Variants in PKIB observed in about 807,000 individuals in gnomAD.
PKIB encodes cAMP-dependent protein kinase inhibitor beta.
PKIB carries 2 observed loss-of-function variants against 4.5 expected under a neutral mutation model. The ratio of observed to expected loss-of-function variants is 0.44; its 90% CI spans 0.18 to 1.39. The LOEUF is 1.39. Among genes scored for constraint, PKIB ranks in the 40% most tolerant of loss-of-function variants. The probability of loss-of-function intolerance (pLI) is 0.27; values close to 1 mark genes in which losing one functional copy is unlikely to be tolerated. For synonymous variants in PKIB, 38 were observed against 36.0 expected (o/e 1.06, Z -0.20); for missense variants, 94 against 92.6 (o/e 1.02, Z -0.06).
intron 2 of PKIB, among the ~76,000 whole-genome samples, chr6:122,485,767 G>T (rs1303419029): frequency 6.6e-6 from 1 of 152,180 alleles, no homozygotes; most frequent in Non-Finnish European, 1.5e-5. Context: ...CCTGAGTATT[G>T]AATGTTGCAT....
chr6:122,562,691 A>G (rs975840635), intron 2 of PKIB, among the ~76,000 whole-genome samples: 1 of 152,162 alleles, frequency 6.6e-6, no homozygotes, highest in Non-Finnish European at 1.5e-5. Context: ...GATTGGGTTA[A>G]TTAGAAGGCT....
chr6:122,569,606 G>A (rs1280620895), intron 2 of PKIB, among the ~76,000 whole-genome samples: 1 of 152,176 alleles, frequency 6.6e-6, no homozygotes, highest in Non-Finnish European at 1.5e-5. Context: ...GTCAGAAATG[G>A]TGCTGGTATC....
At chr6:122,594,281 C>T (rs1317779444) in intron 3 of PKIB, among the ~76,000 whole-genome samples, 1 of 151,270 alleles carries the variant, frequency 6.6e-6, no homozygotes, top group Non-Finnish European at 1.5e-5. Context: ...GATCTCTGCT[C>T]ACTGCAACCT....
chr6:122,702,931 T>A (rs1027734184), intron 3 of PKIB, among the ~76,000 whole-genome samples: 10 of 152,316 alleles, frequency 6.6e-5, no homozygotes, highest in African/African-American at 2.4e-4. Flanking sequence ...ACATGAAGCA[T>A]GATGTCGTGT....
intron 1 of PKIB, among the ~76,000 whole-genome samples, chr6:122,614,604 G>A (rs994742355): frequency 1.3e-5 from 2 of 152,134 alleles, no homozygotes; most frequent in Non-Finnish European, 2.9e-5. Flanking sequence ...AGTCCAGTGT[G>A]ATAGCTTCAG....
chr6:122,560,222 G>A (rs1010607665), intron 2 of PKIB, among the ~76,000 whole-genome samples: 3 of 151,854 alleles, frequency 2.0e-5, no homozygotes, highest in African/African-American at 4.8e-5. Flanking sequence ...TCCCTTGTAT[G>A]CTGATTTTGC....
At chr6:122,678,257 A>G (rs1052606006) in intron 3 of PKIB, among the ~76,000 whole-genome samples, 1 of 152,164 alleles carries the variant, frequency 6.6e-6, no homozygotes, top group Non-Finnish European at 1.5e-5. Context: ...GTCCAGCTCT[A>G]TGAAAGTGAG....
chr6:122,648,448 G>C (rs758995354), intron 2 of PKIB, among the ~76,000 whole-genome samples: 1 of 152,136 alleles, frequency 6.6e-6, no homozygotes, highest in Non-Finnish European at 1.5e-5. Flanking sequence ...GCAAAATACT[G>C]CCACCTACTA....
intron 2 of PKIB, among the ~76,000 whole-genome samples, chr6:122,572,956 A>G (rs954845268): frequency 4.6e-5 from 7 of 152,208 alleles, no homozygotes; most frequent in African/African-American, 1.7e-4. Context: ...ACCAGTAACA[A>G]GCAGCAAGAT....
At chr6:122,599,017 A>G (rs1376728806) in intron 3 of PKIB, among the ~76,000 whole-genome samples, 4 of 152,072 alleles carry the variant, frequency 2.6e-5, no homozygotes, top group Non-Finnish European at 5.9e-5. Context: ...GCACCTCCTC[A>G]TGGGTCACAT....
chr6:122,540,431 A>G (rs1777557514), intron 2 of PKIB, among the ~76,000 whole-genome samples: 1 of 151,838 alleles, frequency 6.6e-6, no homozygotes, highest in Non-Finnish European at 1.5e-5. Flanking sequence ...CCTTCATTTC[A>G]TTAGGTACCC....
rs1367797671 is a variant in PKIB at position 122,530,810 on chromosome 6, G to A, written c.-248+52871G>A. ...GTCAACTCTCCTGTTTTTGGCAAAA[G>A]CCCCAATATGGGAGAGGAGTTCTTT... On this transcript the variant is annotated intron_variant, in intron 2 of 6. Transcript: ENST00000392491. Among the ~76,000 whole-genome samples, 5 of 152,228 alleles carry A rather than the reference G, an allele frequency of 3.3e-5. No individual in the cohort carries two copies. In the East Asian group the frequency reaches 7.7e-4, roughly 23 times the overall value.
chr6:122,684,031 A>G (rs1225832049), intron 3 of PKIB, among the ~76,000 whole-genome samples: 1 of 152,216 alleles, frequency 6.6e-6, no homozygotes, highest in Admixed American at 6.5e-5. Context: ...AAAGAAGACA[A>G]TTCTATTAAG....
intron 2 of PKIB, among the ~76,000 whole-genome samples, chr6:122,571,731 G>A (rs1013120864): frequency 1.3e-5 from 2 of 152,108 alleles, no homozygotes; most frequent in African/African-American, 4.8e-5. Flanking sequence ...AATGCTAAAT[G>A]GAGTTCCATA....
chr6:122,662,308 C>CTTTATTTTTTTTTTTTTT (rs1777030847), intron 2 of PKIB, among the ~76,000 whole-genome samples: 1 of 13,252 alleles, frequency 7.5e-5, no homozygotes, highest in Non-Finnish European at 1.5e-4. Context: ...TCCTTGTCTC[C>CTTTATTTTTTTTTTTTTT]TTTTTTTTTT....
chr6:122,493,732 G>A (rs1775999842), intron 2 of PKIB, among the ~76,000 whole-genome samples: 1 of 152,040 alleles, frequency 6.6e-6, no homozygotes, highest in African/African-American at 2.4e-5. Flanking sequence ...AAAATTCCTA[G>A]GCCTGAAATT....
At chr6:122,621,223 G>A (rs1775214292) in intron 1 of PKIB, among the ~76,000 whole-genome samples, 2 of 152,106 alleles carry the variant, frequency 1.3e-5, no homozygotes, top group Non-Finnish European at 2.9e-5. Context: ...TGGCTTCTGG[G>A]GGGATTAATG....
chr6:122,585,294 C>T (rs570123357), intron 2 of PKIB, among the ~76,000 whole-genome samples: 10 of 152,218 alleles, frequency 6.6e-5, no homozygotes, highest in Admixed American at 2.6e-4. Flanking sequence ...CCTTTATGAT[C>T]AATGCAAGAG....
At position 122,715,884 on chromosome 6, in the gene PKIB, T is replaced by G. The variant is rs78962259; in HGVS notation, c.-8-1903T>G. On this transcript the variant is annotated intron_variant, in intron 3 of 4. Coordinates refer to ENST00000368452, the MANE Select transcript of PKIB (RefSeq NM_181795.3). ...ACTGAAATTGATTTGCATGCCTGAGTGCTGACTTAGCAGCTGTGCAACTTT... is the reference window on the plus strand; with the variant it reads ...ACTGAAATTGATTTGCATGCCTGAGGGCTGACTTAGCAGCTGTGCAACTTT... 2.6e-4 allele frequency among the ~76,000 whole-genome samples: 39 copies of G among 152,210 alleles called. 1 individual carries two copies. The East Asian group carries it at 6.9e-3, about 27-fold the overall frequency.
Sources: gnomAD v4.1 joint callset for allele counts (sites outside exome capture counted in the v4.1 genomes callset) on GRCh38, gnomAD v4.1.1 for gene constraint, MANE v1.5 for transcripts, NCBI Gene and HGNC (gene_info 2026-07-23, HGNC 2026-07-21) for gene names.